Variants in CDH23 observed in about 807,000 individuals in gnomAD.
The protein encoded by CDH23 is cadherin-23.
Under a neutral mutation model 317.1 loss-of-function variants are expected in CDH23, and 189 were observed. That is an observed-to-expected ratio of 0.60 (90% confidence interval 0.53 to 0.67). The LOEUF (loss-of-function observed/expected upper bound fraction) is 0.67, where lower values mean the gene tolerates loss of function less well. CDH23 is among the 30% of genes least tolerant of loss of function. The pLI, the probability that CDH23 is intolerant of heterozygous loss-of-function variation, is 0.00. For synonymous variants in CDH23, 1,839 were observed against 1,876.8 expected (o/e 0.98, Z 0.52); for missense variants, 4,401 against 4,592.4 (o/e 0.96, Z 1.20).
chr10:71,417,500 A>G (rs1848586514), intron 1 of CDH23, among the ~76,000 whole-genome samples: 1 of 152,126 alleles, frequency 6.6e-6, no homozygotes, highest in South Asian at 2.1e-4. Context: ...ATTTTCAACT[A>G]TTGCTTCTGA....
chr10:71,399,541 G>A (rs1182591336), intron 1 of CDH23, among the ~76,000 whole-genome samples: 3 of 152,224 alleles, frequency 2.0e-5, no homozygotes, highest in Non-Finnish European at 4.4e-5. Flanking sequence ...AATGCCACAA[G>A]AGTGTTTGTG....
rs1857449242 is a variant in CDH23 at position 71,567,031 on chromosome 10, G to A, written c.624+95G>A. The A allele has an allele frequency of 2.7e-6, 3 of 1,100,094 alleles. No individual in the cohort carries two copies. In the South Asian group the frequency reaches 4.1e-5, roughly 15 times the overall value. 68.1% of individuals were successfully genotyped at this position (1,100,094 alleles called of 1,614,324 possible). On this transcript the variant is annotated intron_variant, in intron 7 of 69. Coordinates refer to ENST00000224721, the MANE Select transcript of CDH23 (RefSeq NM_022124.6). Reference sequence around the variant, plus strand: ...ATTCCAATGGGACATTGACCCAGTGGCACACACTCGATGATCTATAATAAT... The same window carrying A: ...ATTCCAATGGGACATTGACCCAGTGACACACACTCGATGATCTATAATAAT...
At chr10:71,739,389 A>G (rs1589388522) in intron 35 of CDH23, among the ~76,000 whole-genome samples, 1 of 152,296 alleles carries the variant, frequency 6.6e-6, no homozygotes, top group Non-Finnish European at 1.5e-5. Context: ...ATGGGACTCA[A>G]GCCCCACTCT....
At chr10:71,779,230 G>T (rs765339387) in intron 40 of CDH23, 37 bp from the exon 41 acceptor site, 1 of 1,605,822 alleles carries the variant, frequency 6.2e-7, no homozygotes, top group Non-Finnish European at 8.5e-7. Flanking sequence ...AAAGCTGGCT[G>T]GGGTGAGGCC....
At chr10:71,533,525 C>CCCCCCACA (rs1249775933) in intron 6 of CDH23, among the ~76,000 whole-genome samples, 1 of 130,752 alleles carries the variant, frequency 7.6e-6, no homozygotes, top group African/African-American at 3.0e-5. Flanking sequence ...TGGCTGGACA[C>CCCCCCACA]CACACACACA....
Position 71,779,356 on chromosome 10 carries a change from G to A in CDH23, c.5277G>A (p.Pro1759=), listed in dbSNP as rs767867791. ...EGPFEVTEGQ[P]GPRVWTFLAH... is the part of the protein sequence containing the mutation. ...CATTTGAAGTCACTGAGGGCCAGCC[G>A]GGGCCCAGAGTGTGGACCTTCCTGG... The change falls in exon 41 of 70, where the codon CCG becomes CCA. Residue 1759 remains proline, a synonymous_variant. Coordinates refer to ENST00000224721, the MANE Select transcript of CDH23 (RefSeq NM_022124.6). 26 of 1,613,796 alleles carry A rather than the reference G, an allele frequency of 1.6e-5. No homozygotes were observed. Among genetic ancestry groups the A allele is most frequent in the African/African-American group, 4.0e-5 (3 of 74,920 alleles).
rs2132847674 is a variant in CDH23, at chr10:71,741,779, C to G, written c.4703C>G (p.Thr1568Ser). ...AACAGTGTTCTGTCCTACTACATCACCGAGGGCAACAAGGACATGGCCTTC... is the reference window on the plus strand; with the variant it reads ...AACAGTGTTCTGTCCTACTACATCAGCGAGGGCAACAAGGACATGGCCTTC... Reference protein sequence around the residue: ...GINSVLSYYITEGNKDMAFRM... With the variant: ...GINSVLSYYISEGNKDMAFRM... The change falls in exon 38 of 70, where the codon ACC becomes AGC. Residue 1568 changes from threonine (T) to serine (S), a missense_variant. Thr to Ser is a moderately conservative substitution (Grantham distance 58). Transcript: ENST00000224721. The G allele has an allele frequency of 6.2e-7, 1 of 1,612,818 alleles. No individual in the cohort carries two copies. The highest frequency in any genetic ancestry group is 1.3e-5 in the African/African-American group (1 of 75,056).
At chr10:71,588,411 T>C (rs898422240) in intron 9 of CDH23, among the ~76,000 whole-genome samples, 5 of 151,900 alleles carry the variant, frequency 3.3e-5, no homozygotes, top group Non-Finnish European at 5.9e-5. Context: ...GAAATGGGAA[T>C]ATTCATAGGG....
At chr10:71,695,579 G>A in intron 22 of CDH23, 54 bp downstream of exon 22, 1 of 1,281,512 alleles carries the variant, frequency 7.8e-7, no homozygotes, top group Non-Finnish European at 1.1e-6. Flanking sequence ...AGGGGTCTGT[G>A]CCCCTCCCAC....
At position 71,793,350 on chromosome 10, in the gene CDH23, G is replaced by T. The variant is rs368778687; in HGVS notation, c.6422G>T (p.Arg2141Met). The T allele has an allele frequency of 1.2e-6, 2 of 1,613,884 alleles. No individual in the cohort carries two copies. Among genetic ancestry groups the T allele is most frequent in the African/African-American group, 2.7e-5 (2 of 74,916 alleles). ...GACAGAGAGGAGCAGGAGTCCTACA[G>T]GCTAACGGTGGTGGCCACCGACCGG... ...TIDREEQESY[R>M]LTVVATDRGT... Residue 2141 changes from arginine to methionine, a missense_variant, in exon 48 of 70, where the codon AGG becomes ATG. Physicochemically the swap from Arg to Met is moderately conservative, Grantham distance 91. This residue lies in a region of CDH23 where 3,068 missense variants were observed against 3,203.3 expected (regional missense o/e 0.96). Coordinates refer to ENST00000224721, the MANE Select transcript of CDH23 (RefSeq NM_022124.6).
rs142568451 is a variant in CDH23 at position 71,476,690 on chromosome 10, C to T, written c.145+30295C>T. Among the ~76,000 whole-genome samples the T allele has an allele frequency of 4.6e-4, 70 of 152,268 alleles. No individual in the cohort carries two copies. The East Asian group carries it at 0.012, about 26-fold the overall frequency. ...ATATCACATAGACAGAAGGGTGTATCGTAGAACCTGGATATACGAGTTAAA... is the reference window on the plus strand; with the variant it reads ...ATATCACATAGACAGAAGGGTGTATTGTAGAACCTGGATATACGAGTTAAA... On this transcript the variant is annotated intron_variant, in intron 3 of 69. Transcript: ENST00000224721.
In CDH23 at chr10:71,682,491, G is replaced by A. The variant is rs751246988; in HGVS notation, c.1905G>A (p.Gly635=). The change falls in exon 18 of 70, where the codon GGG becomes GGA. Residue 635 remains glycine (G), a synonymous_variant. Transcript: ENST00000224721. ...TGGATTATGAACAGATATCCAATGG[G>A]CTGATTTATCTGACGGTCATGGCCA... The part of the protein sequence containing the change: ...RPLDYEQISN[G]LIYLTVMAMD... 3 of 1,613,166 alleles carry A rather than the reference G, an allele frequency of 1.9e-6. No homozygotes were observed. The highest frequency in any genetic ancestry group is 2.7e-5 in the African/African-American group (2 of 75,042).
At chr10:71,666,155 CT>C (rs1407538427) in intron 14 of CDH23, among the ~76,000 whole-genome samples, 9 of 152,176 alleles carry the variant, frequency 5.9e-5, no homozygotes, top group African/African-American at 2.2e-4. Context: ...TGCTCTCCTG[CT>C]TGGTCCCTCC....
rs746755994 is a variant in CDH23 at position 71,800,591 on chromosome 10, T to C, written c.7363-45T>C. On this transcript the variant is annotated intron_variant, in intron 52 of 69. Transcript: ENST00000224721. ...GGCCATAGTAGGTGCTCAATAAATATCTTTTGAATGATTGAAGGACCTAAA... is the reference window on the plus strand; with the variant it reads ...GGCCATAGTAGGTGCTCAATAAATACCTTTTGAATGATTGAAGGACCTAAA... The C allele has an allele frequency of 4.4e-6, 7 of 1,596,598 alleles. No homozygotes were observed. In the Admixed American group the frequency reaches 1.2e-4, roughly 28 times the overall value.
chr10:71,570,660 G>A (rs1184457458), intron 7 of CDH23, 130 bp from the exon 8 acceptor site: 2 of 957,774 alleles, frequency 2.1e-6, no homozygotes, highest in Non-Finnish European at 3.1e-6. Flanking sequence ...GAGCATGGGT[G>A]TGTGTGTGCG....
intron 3 of CDH23, among the ~76,000 whole-genome samples, chr10:71,489,887 C>G (rs960435810): frequency 4.6e-5 from 7 of 152,136 alleles, no homozygotes; most frequent in Non-Finnish European, 1.0e-4. Flanking sequence ...ACGTTCCCCT[C>G]TCTATTCAGC....
In CDH23 at chr10:71,815,328, T is replaced by G. The variant is rs1017377776; in HGVS notation, c.*50T>G. ...TGAGCAGCACCCATCCACCGTCCCC[T>G]CCCAGGGAGCAAGGGCAGGGACAGG... On this transcript the variant is annotated 3_prime_UTR_variant, in exon 70 of 70. Transcript: ENST00000224721. 5.4e-6 allele frequency: 8 copies of G among 1,475,980 alleles called. No individual in the cohort carries two copies. Among genetic ancestry groups the G allele is most frequent in the Non-Finnish European group, 6.3e-6 (7 of 1,102,386 alleles). 91.4% of individuals were successfully genotyped at this position (1,475,980 alleles called of 1,614,324 possible).
At chr10:71,486,215 G>T (rs7922462) in intron 3 of CDH23, among the ~76,000 whole-genome samples, 9 of 152,076 alleles carry the variant, frequency 5.9e-5, no homozygotes, top group African/African-American at 2.2e-4. Flanking sequence ...ATTTCCAGAG[G>T]TACTAGTCCC....
intron 1 of CDH23, among the ~76,000 whole-genome samples, chr10:71,409,078 TG>T (rs1479735077): frequency 6.6e-6 from 1 of 152,180 alleles, no homozygotes; most frequent in African/African-American, 2.4e-5. Context: ...CCCTAGTCTC[TG>T]GAACAGACGT....
Sources: allele counts gnomAD v4.1 joint callset (sites outside exome capture counted in the v4.1 genomes callset), GRCh38; gene constraint gnomAD v4.1.1; regional missense constraint gnomAD v4.1.1; transcripts MANE v1.5; gene names NCBI Gene and HGNC (gene_info 2026-07-23, HGNC 2026-07-21).